Variants in CASP1 observed in about 807,000 individuals in gnomAD.
CASP1 encodes caspase-1.
CASP1 carries 31 observed loss-of-function variants against 41.2 expected under a neutral mutation model. The observed-to-expected ratio is 0.75, with a 90% confidence interval of 0.57 to 1.02. The LOEUF is 1.02. CASP1 is among the 50% of genes least tolerant of loss of function. The pLI is 0.00. For missense variants in CASP1, 490 were observed against 495.7 expected, an observed-to-expected ratio of 0.99 and a Z score of 0.11; for synonymous variants, 163 against 166.5, an observed-to-expected ratio of 0.98 and a Z score of 0.16.
chr11:105,029,943 A>C (rs1863577021), intron 5 of CASP1, 44 bp from the exon 6 acceptor site: 2 of 1,328,080 alleles, frequency 1.5e-6, no homozygotes, highest in Non-Finnish European at 2.2e-6. Flanking sequence ...GTAATTAACT[A>C]TCATGGTACC....
chr11:105,028,328 T>C (rs996954548), intron 7 of CASP1, among the ~76,000 whole-genome samples: 1 of 152,116 alleles, frequency 6.6e-6, no homozygotes, highest in African/African-American at 2.4e-5. Context: ...AGAATGCAAG[T>C]CCTCTCAGGA....
chr11:105,029,723 C>G lies in CASP1; in HGVS notation c.804G>C (p.Lys268Asn). Residue 268 changes from lysine (K) to asparagine (N), a missense_variant, in exon 6 of 9, where the codon AAG (lysine) becomes AAC (asparagine). By Grantham distance (94) the Lys-to-Asn change is moderately conservative. Transcript: ENST00000533400. ...LNAIFNMLNT[K>N]NCPSLKDKPK... ...GTTTGTCCTTCAAACTTGGGCAGTT[C>G]TTGGTATTCAACATGTTAAAGATTG... 1 of 1,613,692 alleles carries G rather than the reference C, an allele frequency of 6.2e-7. No individual in the cohort carries two copies.
Position 105,034,188 on chromosome 11 carries a change from T to TGTAA in CASP1, c.274+16_274+19dup, listed in dbSNP as rs1448209105. On this transcript the variant is annotated intron_variant, in intron 2 of 8. Coordinates refer to ENST00000533400, the MANE Select transcript of CASP1 (RefSeq NM_001257118.3). ...AAGACAGGCCCTAGGTGAACTTGAG[T>TGTAA]GTAAGTCACTGACCCTTACCTGCTG... The TGTAA allele has an allele frequency of 1.9e-6, 3 of 1,613,672 alleles. No homozygotes were observed. The highest frequency in any genetic ancestry group is 1.7e-6 in the Non-Finnish European group (2 of 1,179,804).
chr11:105,033,816 C>A, intron 2 of CASP1: 1 of 513,582 alleles, frequency 1.9e-6, no homozygotes, highest in South Asian at 1.5e-5. Flanking sequence ...GATTATAAAC[C>A]TTAAAGCTTC....
chr11:105,034,603 T>C, intron 1 of CASP1, 129 bp from the exon 2 acceptor site: 1 of 1,431,608 alleles, frequency 7.0e-7, no homozygotes, highest in Non-Finnish European at 9.5e-7. Flanking sequence ...GGGTAATCCC[T>C]CTTCTTACTG....
At chr11:105,032,334 A>T (rs1177134168) in intron 3 of CASP1, among the ~76,000 whole-genome samples, 13 of 152,184 alleles carry the variant, frequency 8.5e-5, no homozygotes, top group Non-Finnish European at 1.9e-4. Flanking sequence ...GTTATTTTTG[A>T]GCTATTTTTT....
chr11:105,030,132 C>T (rs1863591665), intron 5 of CASP1, among the ~76,000 whole-genome samples, 198 bp downstream of exon 5: 1 of 151,274 alleles, frequency 6.6e-6, no homozygotes, highest in Non-Finnish European at 1.5e-5. Context: ...AAAACATTTC[C>T]CAATTCAGTT....
intron 3 of CASP1, among the ~76,000 whole-genome samples, chr11:105,031,753 G>A (rs561727246): frequency 6.6e-6 from 1 of 152,012 alleles, no homozygotes; most frequent in Admixed American, 6.6e-5. Flanking sequence ...ATGGTAGTAA[G>A]CACTAGGAAT....
chr11:105,029,952 C>A, intron 5 of CASP1, 53 bp from the exon 6 acceptor site: 3 of 1,282,592 alleles, frequency 2.3e-6, no homozygotes, highest in South Asian at 1.2e-5. Context: ...TATCATGGTA[C>A]CTTGGAAAGT....
chr11:105,036,558 G>A (rs1439319501), upstream of CASP1, among the ~76,000 whole-genome samples: 1 of 152,098 alleles, frequency 6.6e-6, no homozygotes, highest in South Asian at 2.1e-4. Flanking sequence ...CATGAGATCC[G>A]ATGGTTTTAT....
At chr11:105,035,618 G>GTTTTTTTTTTTTTTGTTTTTTTTTTTTT (rs56746743), upstream of CASP1, among the ~76,000 whole-genome samples, 1 of 103,438 alleles carries the variant, frequency 9.7e-6, no homozygotes, top group African/African-American at 3.5e-5. Flanking sequence ...TTTTCTTTCT[G>GTTTTTTTTTTTTTTGTTTTTTTTTTTTT]TTTTTTTTTT....
intron 2 of CASP1, 116 bp from the exon 3 acceptor site, chr11:105,033,242 A>G: frequency 1.7e-6 from 1 of 604,276 alleles, no homozygotes; most frequent in Non-Finnish European, 2.9e-6. Context: ...TGACTGACTG[A>G]CATTAAATAA....
rs984590177 is a variant in CASP1, at chr11:105,033,808, T to A, written c.274+400A>T. The stretch of plus-strand genomic sequence containing the variant: ...GAGAAAAGTTATAAAAAGTATTTGA[T>A]TATAAACCTTAAAGCTTCATGTGAC... On this transcript the variant is annotated intron_variant, in intron 2 of 8. Coordinates refer to ENST00000533400, the MANE Select transcript of CASP1 (RefSeq NM_001257118.3). 2.5e-5 allele frequency: 12 copies of A among 489,242 alleles called. No individual in the cohort carries two copies. In the East Asian group the frequency reaches 5.8e-4, roughly 23 times the overall value. The allele number at this position is 489,242 out of a possible 1,614,324, so 30.3% of individuals were successfully genotyped here. A position where few individuals can be genotyped will look rare whatever the true frequency, so the allele number is the denominator to read the frequency against.
rs760883212 is a variant in CASP1 at position 105,034,353 on chromosome 11, T to C, written c.129A>G (p.Val43=). ...RVLNKEEMEK[V]KRENATVMDK... is the part of the protein sequence containing the mutation. The stretch of plus-strand genomic sequence containing the variant: ...CCATAACTGTAGCATTTTCACGTTT[T>C]ACTTTCTCCATCTCTTCCTTGTTCA... The change falls in exon 2 of 9, where the codon GTA becomes GTG. Residue 43 remains valine, a synonymous_variant. Coordinates refer to ENST00000533400, the MANE Select transcript of CASP1 (RefSeq NM_001257118.3). The C allele has an allele frequency of 6.2e-6, 10 of 1,614,188 alleles. No homozygotes were observed. In the South Asian group the frequency reaches 1.1e-4, roughly 18 times the overall value.
intron 8 of CASP1, 32 bp downstream of exon 8, chr11:105,026,810 T>C: frequency 9.3e-7 from 1 of 1,069,974 alleles, no homozygotes; most frequent in Non-Finnish European, 1.5e-6. Flanking sequence ...TTCAGGGAAG[T>C]AGAGTGAAAA....
In CASP1 at chr11:105,026,157, T is replaced by G; in HGVS notation, c.*101A>C. 1.4e-6 allele frequency: 1 copy of G among 718,012 alleles called. No individual in the cohort carries two copies. The highest frequency in any genetic ancestry group is 2.4e-6 in the Non-Finnish European group (1 of 421,396). The allele number at this position is 718,012 out of a possible 1,614,324, so 44.5% of individuals were successfully genotyped here. On this transcript the variant is annotated 3_prime_UTR_variant, in exon 9 of 9. Coordinates refer to ENST00000533400, the MANE Select transcript of CASP1 (RefSeq NM_001257118.3). ...GGATTCTCAGCCTGTAAACCTAGAGTTCTTGACTCAAATGGACTTTCAGTA... is the reference window on the plus strand; with the variant it reads ...GGATTCTCAGCCTGTAAACCTAGAGGTCTTGACTCAAATGGACTTTCAGTA...
chr11:105,028,669 AT>A, intron 7 of CASP1, among the ~76,000 whole-genome samples: 1 of 152,214 alleles, frequency 6.6e-6, no homozygotes, highest in East Asian at 1.9e-4. Context: ...ATTCAAATAT[AT>A]TCTGTCTCAC....
At position 105,034,878 on chromosome 11, in the gene CASP1, G is replaced by T. The variant is rs550793479; in HGVS notation, c.7+229C>A. ...TGTAAGTAAGAGTTTAATTAAGATT[G>T]CAAAATGACATCAGGCTTCCCCTAA... On this transcript the variant is annotated intron_variant, in intron 1 of 8. Coordinates refer to ENST00000533400, the MANE Select transcript of CASP1 (RefSeq NM_001257118.3). Among the ~76,000 whole-genome samples the T allele has an allele frequency of 1.8e-4, 27 of 152,290 alleles. No individual in the cohort carries two copies. The South Asian group carries it at 4.8e-3, about 27-fold the overall frequency.
chr11:105,031,095 C>A (rs937026303), intron 4 of CASP1, 70 bp downstream of exon 4: 1 of 843,052 alleles, frequency 1.2e-6, no homozygotes, highest in Non-Finnish European at 2.1e-6. Flanking sequence ...TAAGAATAAG[C>A]CACTGCATTT....
Sources: gnomAD v4.1 joint callset for allele counts (sites outside exome capture counted in the v4.1 genomes callset) on GRCh38, gnomAD v4.1.1 for gene constraint, MANE v1.5 for transcripts, NCBI Gene and HGNC (gene_info 2026-07-23, HGNC 2026-07-21) for gene names.